Variants in BCO2 observed in about 807,000 individuals in gnomAD.
The protein encoded by BCO2 is beta-carotene oxygenase 2, also known as carotenoid-cleaving dioxygenase, mitochondrial.
A neutral mutation model predicts 65.8 loss-of-function variants in BCO2; 56 were observed. The ratio of observed to expected loss-of-function variants is 0.85; its 90% CI spans 0.69 to 1.06. The LOEUF (loss-of-function observed/expected upper bound fraction) is 1.06, where lower values mean the gene tolerates loss of function less well. Ranked by LOEUF, BCO2 falls within the 50% of genes least tolerant of loss-of-function variation. The pLI, the probability that BCO2 is intolerant of heterozygous loss-of-function variation, is 0.00. For missense variants in BCO2, 675 were observed against 698.5 expected (o/e 0.97, Z 0.38); for synonymous variants, 233 against 242.3 (o/e 0.96, Z 0.36).
intron 2 of BCO2, among the ~76,000 whole-genome samples, chr11:112,191,645 A>G (rs1240604510): frequency 1.3e-5 from 2 of 152,168 alleles, no homozygotes; most frequent in African/African-American, 4.8e-5. Context: ...TAGCACAATA[A>G]ATATGTAAGA....
intron 2 of BCO2, among the ~76,000 whole-genome samples, chr11:112,185,480 C>T (rs922812340): frequency 2.6e-5 from 4 of 151,904 alleles, no homozygotes; most frequent in African/African-American, 9.7e-5. Flanking sequence ...AAAGTTTTAC[C>T]CATATAAACT....
intron 4 of BCO2, chr11:112,194,340 T>C (rs1867495047): frequency 7.4e-6 from 3 of 406,470 alleles, no homozygotes; most frequent in Non-Finnish European, 4.4e-6. Flanking sequence ...CATAACATGT[T>C]AATTAAAAAG....
intron 11 of BCO2, 145 bp from the exon 12 acceptor site, chr11:112,217,616 C>T (rs1859718688): frequency 1.7e-6 from 1 of 582,114 alleles, no homozygotes; most frequent in Admixed American, 3.0e-5. Context: ...CCACCTCGGC[C>T]TCCCAAAGTG....
chr11:112,178,069 C>T (rs1489757887), intron 1 of BCO2, among the ~76,000 whole-genome samples: 3 of 148,798 alleles, frequency 2.0e-5, no homozygotes, highest in Non-Finnish European at 4.5e-5. Flanking sequence ...CCAACACACC[C>T]GGCTATTTTT....
At chr11:112,212,064 C>CTT (rs35557580) in intron 8 of BCO2, among the ~76,000 whole-genome samples, 1 of 420 alleles carries the variant, frequency 2.4e-3, no homozygotes, top group African/African-American at 5.8e-3. Context: ...AAGCTAATAA[C>CTT]TTTATGAATC....
At chr11:112,213,416 T>A (rs957249851) in intron 8 of BCO2, among the ~76,000 whole-genome samples, 2 of 152,090 alleles carry the variant, frequency 1.3e-5, no homozygotes, top group African/African-American at 4.8e-5. Context: ...GTGCTGGGAT[T>A]ACAGGAATGA....
chr11:112,188,679 C>A (rs1277588540), intron 2 of BCO2, among the ~76,000 whole-genome samples: 1 of 152,100 alleles, frequency 6.6e-6, no homozygotes. Context: ...AAAGAACCAG[C>A]CAAATGTCTC....
chr11:112,190,676 G>A (rs950748558), intron 2 of BCO2, among the ~76,000 whole-genome samples: 4 of 151,926 alleles, frequency 2.6e-5, no homozygotes, highest in Non-Finnish European at 5.9e-5. Context: ...CTAACATGGT[G>A]AAACCCCGTA....
At chr11:112,216,899 C>T (rs1444024635) in intron 11 of BCO2, among the ~76,000 whole-genome samples, 1 of 152,178 alleles carries the variant, frequency 6.6e-6, no homozygotes, top group Non-Finnish European at 1.5e-5. Context: ...GCCTGGGGTG[C>T]AGGGCTCTGA....
intron 2 of BCO2, among the ~76,000 whole-genome samples, chr11:112,180,474 C>G (rs1001291998): frequency 5.3e-5 from 8 of 152,200 alleles, no homozygotes; most frequent in Non-Finnish European, 1.5e-5. Context: ...TCTAGTTCAT[C>G]CTGTATCCCC....
rs1361504689 is a variant in BCO2, at chr11:112,214,953, A to G, written c.1515+9A>G. ...TGAATAAGACACTGAAGGTGATGAA[A>G]AACTCTTTCCTTTTTGAACTTTTCA... On this transcript the variant is annotated intron_variant, in intron 10 of 11. Transcript: ENST00000357685. The G allele has an allele frequency of 4.3e-6, 7 of 1,613,982 alleles. No individual in the cohort carries two copies. Among genetic ancestry groups the G allele is most frequent in the South Asian group, 3.3e-5 (3 of 91,082 alleles).
At chr11:112,194,547 T>C (rs994365791) in intron 4 of BCO2, 106 bp from the exon 5 acceptor site, 11 of 708,432 alleles carry the variant, frequency 1.6e-5, no homozygotes, top group Non-Finnish European at 1.9e-5. Context: ...AGGGCTTACA[T>C]TGCAGTTTTC....
chr11:112,217,802 T>C lies in BCO2; in HGVS notation c.1668T>C (p.Phe556=), dbSNP rs779671928. The C allele has an allele frequency of 5.0e-6, 8 of 1,614,020 alleles. No homozygotes were observed. Among genetic ancestry groups the C allele is most frequent in the Non-Finnish European group, 6.8e-6 (8 of 1,179,994 alleles). Residue 556 remains phenylalanine, a synonymous_variant, in exon 12 of 12, where the codon TTT becomes TTC. Transcript: ENST00000357685. ...NFILVLDAKN[F]EELGRAEVPV... is the part of the protein sequence containing the mutation. The stretch of plus-strand genomic sequence containing the variant: ...TCCTAGTTTTGGATGCCAAGAACTT[T>C]GAAGAGCTGGGCCGAGCAGAGGTAC...
intron 7 of BCO2, 24 bp from the exon 8 acceptor site, chr11:112,201,999 C>T (rs1327095855): frequency 1.3e-6 from 2 of 1,522,062 alleles, no homozygotes; most frequent in Non-Finnish European, 1.8e-6. Flanking sequence ...AAATTTTTTT[C>T]ATTGTTTGTG....
intron 2 of BCO2, among the ~76,000 whole-genome samples, chr11:112,189,919 A>G (rs1867323038): frequency 6.6e-6 from 1 of 152,206 alleles, no homozygotes; most frequent in Non-Finnish European, 1.5e-5. Context: ...GCATCATATT[A>G]ATATCTAAAT....
chr11:112,197,440 C>A (rs1867611828), intron 5 of BCO2, among the ~76,000 whole-genome samples: 1 of 151,734 alleles, frequency 6.6e-6, no homozygotes, highest in African/African-American at 2.4e-5. Flanking sequence ...CCCAGCTACT[C>A]AGGAGGATGA....
rs1592869999 is a variant in BCO2, at chr11:112,215,333, C to T, written c.1515+389C>T. On this transcript the variant is annotated intron_variant, in intron 10 of 11. Coordinates refer to ENST00000357685, the MANE Select transcript of BCO2 (RefSeq NM_031938.7). The stretch of plus-strand genomic sequence containing the variant: ...CAACTCAGTAGGCCTGATTCTTTTA[C>T]TTTTGGAATATTCTATTGACAGCCT... 5.2e-5 allele frequency: 13 copies of T among 251,200 alleles called. No homozygotes were observed. In the South Asian group the frequency reaches 6.3e-4, roughly 12 times the overall value. The allele number at this position is 251,200 out of a possible 1,614,324, so 15.6% of individuals were successfully genotyped here.
chr11:112,197,541 C>T (rs1056935654), intron 5 of BCO2, among the ~76,000 whole-genome samples: 1 of 124,566 alleles, frequency 8.0e-6, no homozygotes, highest in African/African-American at 3.2e-5. Context: ...GAGTAAGACC[C>T]TGTCTCAAAA....
rs1214067435 is a variant in BCO2, at chr11:112,193,852, TTAAA to T, written c.518-23_518-20del. The T allele has an allele frequency of 5.3e-6, 8 of 1,513,350 alleles. No individual in the cohort carries two copies. In the East Asian group the frequency reaches 1.8e-4, roughly 34 times the overall value. 93.7% of individuals were successfully genotyped at this position (1,513,350 alleles called of 1,614,324 possible). A position where few individuals can be genotyped will look rare whatever the true frequency, so the allele number is the denominator to read the frequency against. On this transcript the variant is annotated intron_variant, in intron 3 of 11. Coordinates refer to ENST00000357685, the MANE Select transcript of BCO2 (RefSeq NM_031938.7). The stretch of plus-strand genomic sequence containing the variant: ...CGTCGTCTACAGTAAGCTGTGGTAC[TTAAA>T]TAACTCTAGGGTTTGGTTTCAGCCA...
Sources: allele counts gnomAD v4.1 joint callset (sites outside exome capture counted in the v4.1 genomes callset), GRCh38; gene constraint gnomAD v4.1.1; transcripts MANE v1.5; gene names NCBI Gene and HGNC (gene_info 2026-07-23, HGNC 2026-07-21).